The following MYO16 variants were observed in gnomAD, a reference collection of about 807,000 sequenced individuals.
MYO16 encodes the protein unconventional myosin-XVI.
MYO16 carries 94 observed loss-of-function variants against 205.3 expected under a neutral mutation model. That is an observed-to-expected ratio of 0.46 (90% CI 0.39 to 0.54). The LOEUF is 0.54. MYO16 is among the 20% of genes least tolerant of loss of function. MYO16 has a pLI of 0.00. For synonymous variants in MYO16, 988 were observed against 954.0 expected (o/e 1.04, Z -0.66); for missense variants, 2,315 against 2,387.5 (o/e 0.97, Z 0.63).
intron 11 of MYO16, among the ~76,000 whole-genome samples, chr13:108,858,115 T>A (rs891645416): frequency 5.9e-5 from 9 of 152,222 alleles, no homozygotes; most frequent in African/African-American, 2.2e-4. Flanking sequence ...GTCTGTGGAC[T>A]AGTAGATATA....
At chr13:109,086,239 C>T (rs1888432811) in intron 27 of MYO16, among the ~76,000 whole-genome samples, 1 of 152,158 alleles carries the variant, frequency 6.6e-6, no homozygotes. Context: ...TACCAGAGGG[C>T]CCACTGGACA....
chr13:108,588,756 C>A, the MYO16 span, among the ~76,000 whole-genome samples: 3 of 151,898 alleles, frequency 2.0e-5, no homozygotes, highest in African/African-American at 7.3e-5. Flanking sequence ...AGTGAGAGGC[C>A]TTGGACATCC....
At chr13:109,178,135 C>CT (rs932289732) in intron 33 of MYO16, among the ~76,000 whole-genome samples, 9 of 152,200 alleles carry the variant, frequency 5.9e-5, no homozygotes, top group African/African-American at 1.9e-4. Context: ...GACACACTCC[C>CT]TTCCGCCTGT....
At chr13:108,510,692 C>T in the MYO16 span, among the ~76,000 whole-genome samples, 1 of 34,428 alleles carries the variant, frequency 2.9e-5, no homozygotes, top group African/African-American at 1.3e-4. Context: ...TCTCATTGTT[C>T]AATTCCCACC....
Position 108,964,835 on chromosome 13 carries a change from A to C in MYO16, c.2302A>C (p.Ser768Arg). The C allele has an allele frequency of 6.2e-7, 1 of 1,614,146 alleles. No individual in the cohort carries two copies. Among genetic ancestry groups the C allele is most frequent in the Non-Finnish European group, 8.5e-7 (1 of 1,180,008 alleles). Reference sequence around the variant, plus strand: ...AGACCTCTTGGCCAAGTCCCTGTACAGTCGTTTGTTTAGCTTTTTGGTGAA... The same window carrying C: ...AGACCTCTTGGCCAAGTCCCTGTACCGTCGTTTGTTTAGCTTTTTGGTGAA... ...FRDLLAKSLY[S>R]RLFSFLVNTM... The change falls in exon 20 of 35, where the codon AGT becomes CGT. Residue 768 changes from serine to arginine, a missense_variant. By Grantham distance (110) the Ser-to-Arg change is moderately radical. Transcript: ENST00000457511.
rs557326752 is a variant in MYO16 at position 108,991,395 on chromosome 13, A to C, written c.2370-981A>C. Among the ~76,000 whole-genome samples, 4 of 152,360 alleles carry C rather than the reference A, an allele frequency of 2.6e-5. No individual in the cohort carries two copies. The South Asian group carries it at 8.3e-4, about 32-fold the overall frequency. On this transcript the variant is annotated intron_variant, in intron 20 of 34. Coordinates refer to ENST00000457511, the MANE Select transcript of MYO16 (RefSeq NM_001198950.3). ...TTGAAAAAAAAGATTGATTTCTTTA[A>C]ATTATCCTTCAAAAGTTCTGCTTTT...
intron 1 of MYO16, among the ~76,000 whole-genome samples, chr13:108,653,634 T>A (rs1475154914): frequency 6.6e-6 from 1 of 152,008 alleles, no homozygotes; most frequent in East Asian, 1.9e-4. Context: ...TTTTTCAGTT[T>A]TGAAAACTGG....
chr13:109,085,483 G>A (rs1297696049), intron 27 of MYO16, among the ~76,000 whole-genome samples: 1 of 152,132 alleles, frequency 6.6e-6, no homozygotes, highest in African/African-American at 2.4e-5. Context: ...GCGAATGACT[G>A]GGGATGTGAG....
chr13:108,619,977 A>G (rs1365916339), intron 1 of MYO16, among the ~76,000 whole-genome samples: 1 of 152,196 alleles, frequency 6.6e-6, no homozygotes. Flanking sequence ...GTATTGCCCC[A>G]TGATGAAAGG....
chr13:108,829,996 AAC>A (rs1566356354), intron 9 of MYO16, among the ~76,000 whole-genome samples: 3 of 143,312 alleles, frequency 2.1e-5, no homozygotes, highest in Non-Finnish European at 4.6e-5. Flanking sequence ...GCAGCCAAAA[AAC>A]ACATGAAAAA....
intron 23 of MYO16, among the ~76,000 whole-genome samples, chr13:109,045,978 G>A (rs1887028530): frequency 7.0e-6 from 1 of 142,342 alleles, no homozygotes. Context: ...TCCCTCAGGC[G>A]AGGAGGCAAA....
chr13:108,995,265 G>C (rs937842042), intron 21 of MYO16, among the ~76,000 whole-genome samples: 1 of 152,092 alleles, frequency 6.6e-6, no homozygotes. Context: ...GATCAAGGCA[G>C]CTCTCTGGGG....
intron 16 of MYO16, among the ~76,000 whole-genome samples, chr13:108,952,205 T>C (rs1482940930): frequency 2.0e-5 from 3 of 152,156 alleles, no homozygotes; most frequent in Non-Finnish European, 4.4e-5. Context: ...TTCTATGGAA[T>C]TGGACTACCA....
At chr13:108,592,355 T>G (rs1235232114), upstream of MYO16, among the ~76,000 whole-genome samples, 5 of 109,014 alleles carry the variant, frequency 4.6e-5, no homozygotes, top group Non-Finnish European at 9.2e-5. Flanking sequence ...GATGTGTGTG[T>G]GGGGTTGTAG....
the MYO16 span, among the ~76,000 whole-genome samples, chr13:108,575,709 A>G: frequency 6.6e-6 from 1 of 152,126 alleles, no homozygotes; most frequent in African/African-American, 2.4e-5. Context: ...AAATGTATGC[A>G]ATGGTCCCCT....
chr13:108,521,599 T>G, the MYO16 span, among the ~76,000 whole-genome samples: 2 of 152,234 alleles, frequency 1.3e-5, no homozygotes, highest in African/African-American at 4.8e-5. Flanking sequence ...TCACCTTTTG[T>G]GCAGCTACCT....
the MYO16 span, among the ~76,000 whole-genome samples, chr13:108,528,555 TCC>T: frequency 1.6e-5 from 2 of 125,764 alleles, no homozygotes; most frequent in South Asian, 2.5e-4. Context: ...GTCTCTCCTC[TCC>T]TCTCCTCTCC....
chr13:109,147,972 T>C (rs1161638355), intron 32 of MYO16, among the ~76,000 whole-genome samples: 2 of 152,194 alleles, frequency 1.3e-5, no homozygotes, highest in South Asian at 2.1e-4. Flanking sequence ...TTTGCCATGT[T>C]AATAGACCTG....
chr13:108,974,678 A>G (rs1884186618), intron 20 of MYO16, among the ~76,000 whole-genome samples: 1 of 152,212 alleles, frequency 6.6e-6, no homozygotes. Context: ...TTTTAAAAAC[A>G]TATTCTGAGA....
Sources: allele counts gnomAD v4.1 joint callset (sites outside exome capture counted in the v4.1 genomes callset), GRCh38; gene constraint gnomAD v4.1.1; transcripts MANE v1.5; gene names NCBI Gene and HGNC (gene_info 2026-07-23, HGNC 2026-07-21).